The following GNAL variants were observed in gnomAD, a reference collection of about 807,000 sequenced individuals.
The protein encoded by GNAL is guanine nucleotide-binding protein G(olf) subunit alpha.
Under a neutral mutation model 55.1 loss-of-function variants are expected in GNAL, and 18 were observed. That is an observed-to-expected ratio of 0.33 (90% CI 0.23 to 0.48). The LOEUF (loss-of-function observed/expected upper bound fraction) is 0.48. Among genes scored for constraint, GNAL ranks in the 20% least tolerant of loss-of-function variants. The probability of loss-of-function intolerance (pLI) is 0.99; values close to 1 mark genes in which losing one functional copy is unlikely to be tolerated. For synonymous variants in GNAL, 253 were observed against 237.0 expected, an observed-to-expected ratio of 1.07 and a Z score of -0.62; for missense variants, 412 against 614.1, an observed-to-expected ratio of 0.67 and a Z score of 3.48.
At position 11,752,958 on chromosome 18, in the gene GNAL, G is replaced by T; in HGVS notation, c.449+33G>T. The T allele has an allele frequency of 7.6e-7, 1 of 1,307,306 alleles. No individual in the cohort carries two copies. The highest frequency in any genetic ancestry group is 1.2e-5 in the South Asian group (1 of 83,770). 81.0% of individuals were successfully genotyped at this position (1,307,306 alleles called of 1,614,324 possible). The stretch of plus-strand genomic sequence containing the variant: ...TGTTCAGTTTGCTTCCAAACTGCAT[G>T]CAAACTTCGTCTCTCTCCCAGACGT... On this transcript the variant is annotated intron_variant, in intron 2 of 11. Coordinates refer to ENST00000334049, the MANE Select transcript of GNAL (RefSeq NM_182978.4). The surrounding 1 kb of genome is among the most constrained non-coding windows in gnomAD (Gnocchi z 4.5).
chr18:11,725,876 A>G (rs185945931), intron 1 of GNAL, among the ~76,000 whole-genome samples: 555 of 152,284 alleles, frequency 3.6e-3, no homozygotes, highest in Non-Finnish European at 6.4e-3. Flanking sequence ...CAGCTGTAAC[A>G]TTTTGCATTC....
intron 4 of GNAL, among the ~76,000 whole-genome samples, chr18:11,797,560 A>G (rs2034422068): frequency 6.6e-6 from 1 of 152,092 alleles, no homozygotes. Flanking sequence ...CCTGGGCAAC[A>G]TGTCAAAGCC....
intron 1 of GNAL, among the ~76,000 whole-genome samples, chr18:11,740,165 C>T (rs1245532666): frequency 1.3e-5 from 2 of 152,082 alleles, no homozygotes; most frequent in Non-Finnish European, 2.9e-5. Flanking sequence ...GAATTCGTTA[C>T]AGTACTTAAC....
At chr18:11,857,823 G>A (rs537414507) in intron 5 of GNAL, 1 of 696,212 alleles carries the variant, frequency 1.4e-6, no homozygotes, top group Non-Finnish European at 1.8e-6. Context: ...GAACTCCTGG[G>A]CTCCAGTGAT....
At chr18:11,698,190 C>T (rs2031466717) in intron 1 of GNAL, among the ~76,000 whole-genome samples, 1 of 152,088 alleles carries the variant, frequency 6.6e-6, no homozygotes, top group Admixed American at 6.6e-5. Flanking sequence ...CACTTGGGAG[C>T]TCAGGGATAA....
intron 4 of GNAL, among the ~76,000 whole-genome samples, chr18:11,764,097 C>CTGTTTTTT (rs575536691): frequency 6.6e-6 from 1 of 151,892 alleles, no homozygotes; most frequent in Non-Finnish European, 1.5e-5. Flanking sequence ...TACAAATATC[C>CTGTTTTTT]TGTTTTTTTG....
intron 4 of GNAL, among the ~76,000 whole-genome samples, chr18:11,778,094 T>G (rs2033832784): frequency 6.6e-6 from 1 of 152,214 alleles, no homozygotes; most frequent in Non-Finnish European, 1.5e-5. Flanking sequence ...AGACATGTGC[T>G]CTTCGGAGAG....
chr18:11,879,986 C>T (rs554522899), intron 11 of GNAL, among the ~76,000 whole-genome samples: 22 of 152,294 alleles, frequency 1.4e-4, no homozygotes, highest in South Asian at 8.3e-4. Context: ...TGGCCGGGCG[C>T]GGTGGCTCAC....
At chr18:11,860,099 C>T (rs1219281538) in intron 5 of GNAL, among the ~76,000 whole-genome samples, 1 of 152,190 alleles carries the variant, frequency 6.6e-6, no homozygotes, top group Non-Finnish European at 1.5e-5. Context: ...ACACCACTCC[C>T]ATAGCCTGTT....
At chr18:11,714,772 T>A (rs2031914609) in intron 1 of GNAL, among the ~76,000 whole-genome samples, 2 of 152,170 alleles carry the variant, frequency 1.3e-5, no homozygotes, top group African/African-American at 2.4e-5. Context: ...AGGAAGGCAG[T>A]TTTTGTATGA....
chr18:11,750,423 A>AT (rs1466917372), intron 1 of GNAL, among the ~76,000 whole-genome samples: 1 of 151,996 alleles, frequency 6.6e-6, no homozygotes, highest in African/African-American at 2.4e-5. Flanking sequence ...TGGGCAGAGT[A>AT]TGGAGGATGC....
At chr18:11,720,696 A>G (rs1308495617) in intron 1 of GNAL, among the ~76,000 whole-genome samples, 2 of 152,242 alleles carry the variant, frequency 1.3e-5, no homozygotes, top group Non-Finnish European at 2.9e-5. Context: ...TCAATTGCAC[A>G]GTTAAATGGA....
At chr18:11,851,503 C>A (rs775421267) in intron 5 of GNAL, 1 of 1,548,218 alleles carries the variant, frequency 6.5e-7, no homozygotes. Context: ...CCAAAGGAGC[C>A]GTCCGACTAT....
At chr18:11,874,793 G>A (rs578148910) in intron 10 of GNAL, among the ~76,000 whole-genome samples, 2 of 148,732 alleles carry the variant, frequency 1.3e-5, no homozygotes, top group East Asian at 2.1e-4. Flanking sequence ...GACCCACAGC[G>A]GTTGCTGCAC....
Position 11,752,679 on chromosome 18 carries a change from C to G in GNAL, c.377-174C>G. The G allele has an allele frequency of 7.9e-7, 1 of 1,267,788 alleles. No homozygotes were observed. The highest frequency in any genetic ancestry group is 1.0e-6 in the Non-Finnish European group (1 of 968,288). 78.5% of individuals were successfully genotyped at this position (1,267,788 alleles called of 1,614,324 possible). A position where few individuals can be genotyped will look rare whatever the true frequency, so the allele number is the denominator to read the frequency against. ...CGGGCAGGGCCGGGCGAGGGTCGCG[C>G]GCACCTCTGGGCCGCGGAGCCCAGA... On this transcript the variant is annotated intron_variant, in intron 1 of 11. Transcript: ENST00000334049. This position sits in a 1 kb window ranked among gnomAD's most constrained non-coding sequence, Gnocchi z 4.5.
intron 5 of GNAL, among the ~76,000 whole-genome samples, chr18:11,861,573 A>G (rs1338006086): frequency 1.3e-5 from 2 of 152,196 alleles, no homozygotes; most frequent in Non-Finnish European, 2.9e-5. Flanking sequence ...TCAGTGGGAA[A>G]CGTGCAGCCT....
Position 11,881,118 on chromosome 18 carries a change from C to T in GNAL, c.1360C>T (p.Gln454Ter). 6.2e-7 allele frequency: 1 copy of T among 1,610,734 alleles called. No homozygotes were observed. Among genetic ancestry groups the T allele is most frequent in the Non-Finnish European group, 8.5e-7 (1 of 1,178,414 alleles). ...CATCATCCAGCGGATGCACCTCAAG[C>T]AGTATGAGCTCTTGTGAGGATGCTG... The part of the protein sequence containing the change: ...RDIIQRMHLK[Q>*]YELL The change falls in exon 12 of 12, where the codon CAG becomes TAG. Residue 454 changes from glutamine to a stop codon, truncating the protein, a stop_gained. Transcript: ENST00000334049. LOFTEE classifies it high-confidence loss of function. This position sits in a 1 kb window ranked among gnomAD's most constrained non-coding sequence, Gnocchi z 4.8.
intron 4 of GNAL, among the ~76,000 whole-genome samples, chr18:11,769,084 T>C (rs1429445531): frequency 1.1e-5 from 1 of 90,394 alleles, no homozygotes; most frequent in Admixed American, 1.3e-4. Context: ...TTATATAAAT[T>C]ATATGTAATA....
intron 7 of GNAL, among the ~76,000 whole-genome samples, chr18:11,866,734 A>G (rs180870401): frequency 2.0e-5 from 3 of 150,258 alleles, no homozygotes; most frequent in Admixed American, 2.0e-4. Context: ...TCAATTCTCC[A>G]TGGGAGGGAA....
Sources: allele counts gnomAD v4.1 joint callset (sites outside exome capture counted in the v4.1 genomes callset), GRCh38; gene constraint gnomAD v4.1.1; non-coding constraint Gnocchi (gnomAD v3.1); transcripts MANE v1.5; gene names NCBI Gene and HGNC (gene_info 2026-07-23, HGNC 2026-07-21).